SRGAP1: variants seen among roughly 807,000 people sequenced by gnomAD.
SRGAP1 encodes SLIT-ROBO Rho GTPase activating protein 1, also known as SLIT-ROBO Rho GTPase-activating protein 1.
Under a neutral mutation model 121.9 loss-of-function variants are expected in SRGAP1, and 43 were observed. The observed-to-expected ratio is 0.35, with a 90% CI of 0.28 to 0.46. The LOEUF is 0.46. SRGAP1 is among the 20% of genes least tolerant of loss of function. The probability of loss-of-function intolerance (pLI) is 1.00; values close to 1 mark genes in which losing one functional copy is unlikely to be tolerated. For missense variants in SRGAP1, 1,102 were observed against 1,350.9 expected (o/e 0.82, Z 2.89); for synonymous variants, 447 against 485.4 (o/e 0.92, Z 1.04).
intron 6 of SRGAP1, among the ~76,000 whole-genome samples, chr12:64,046,783 T>A (rs1358629149): frequency 1.3e-5 from 2 of 152,152 alleles, no homozygotes; most frequent in African/African-American, 2.4e-5. Context: ...TGGAATCGCA[T>A]ATCAGGATTT....
rs911450626 is a variant in SRGAP1, at chr12:63,884,549, G to A, written c.67+39666G>A. 2.0e-5 allele frequency among the ~76,000 whole-genome samples: 3 copies of A among 151,980 alleles called. No homozygotes were observed. In the South Asian group the frequency reaches 6.3e-4, roughly 32 times the overall value. On this transcript the variant is annotated intron_variant, in intron 1 of 21. Transcript: ENST00000355086. ...TTCTTTGTGGTGAGAACATTCAAAA[G>A]CCTCTCTTCTAGCTATTTGGTAGTA...
intron 1 of SRGAP1, among the ~76,000 whole-genome samples, chr12:63,877,232 G>A (rs1284472263): frequency 6.6e-6 from 1 of 152,030 alleles, no homozygotes; most frequent in African/African-American, 2.4e-5. Flanking sequence ...CTCAAAAAAA[G>A]AAAGAGAAAA....
intron 1 of SRGAP1, among the ~76,000 whole-genome samples, chr12:63,973,267 T>C (rs1359178031): frequency 6.6e-6 from 1 of 152,248 alleles, no homozygotes; most frequent in African/African-American, 2.4e-5. Context: ...CTAAACATTC[T>C]AGTAGACCAT....
chr12:64,130,210 AGTCT>A (rs2036763409), intron 21 of SRGAP1, among the ~76,000 whole-genome samples: 1 of 152,142 alleles, frequency 6.6e-6, no homozygotes, highest in Non-Finnish European at 1.5e-5. Flanking sequence ...TCATCTTGAT[AGTCT>A]GAGTCAGTCA....
intron 1 of SRGAP1, among the ~76,000 whole-genome samples, chr12:63,956,810 T>C (rs553903617): frequency 1.3e-5 from 2 of 151,314 alleles, no homozygotes; most frequent in Admixed American, 6.6e-5. Flanking sequence ...GTTTTTAGTA[T>C]ATTCAGAGCT....
At chr12:64,133,603 G>A (rs2136644868) in intron 21 of SRGAP1, among the ~76,000 whole-genome samples, 1 of 152,286 alleles carries the variant, frequency 6.6e-6, no homozygotes, top group East Asian at 1.9e-4. Flanking sequence ...TCCCCTTGGG[G>A]AAGGATGGGA....
chr12:63,954,359 G>A (rs1055342203), intron 1 of SRGAP1, among the ~76,000 whole-genome samples: 2 of 152,008 alleles, frequency 1.3e-5, no homozygotes, highest in African/African-American at 4.8e-5. Flanking sequence ...TTATTTAAAT[G>A]GAATTTTCCC....
At chr12:63,857,732 T>C (rs1032494531) in intron 1 of SRGAP1, among the ~76,000 whole-genome samples, 4 of 152,180 alleles carry the variant, frequency 2.6e-5, no homozygotes, top group African/African-American at 9.7e-5. Flanking sequence ...TTTCAAAGAA[T>C]TTTTTCCCTT....
Position 64,161,441 on chromosome 12 carries a change from C to A in SRGAP1, c.*18769C>A, listed in dbSNP as rs553390105. On this transcript the variant is annotated 3_prime_UTR_variant, in exon 22 of 22. Coordinates refer to ENST00000355086, the MANE Select transcript of SRGAP1 (RefSeq NM_020762.4). ...ATATCCTCAACTTTATCTGCTAACT[C>A]TTCTGTTAAGTACTTTATTTCTGCT... The A allele has an allele frequency of 1.3e-5, 2 of 152,074 alleles. No homozygotes were observed. The highest frequency in any genetic ancestry group is 1.5e-5 in the Non-Finnish European group (1 of 68,014). 9.4% of individuals were successfully genotyped at this position (152,074 alleles called of 1,614,324 possible). A position where few individuals can be genotyped will look rare whatever the true frequency, so the allele number is the denominator to read the frequency against.
intron 21 of SRGAP1, among the ~76,000 whole-genome samples, chr12:64,138,090 C>G (rs1302179390): frequency 6.6e-6 from 1 of 151,560 alleles, no homozygotes; most frequent in Non-Finnish European, 1.5e-5. Context: ...CTCACAAAAC[C>G]AAAACTCTGT....
intron 18 of SRGAP1, among the ~76,000 whole-genome samples, chr12:64,116,601 C>T (rs1455688503): frequency 6.6e-6 from 1 of 152,182 alleles, no homozygotes; most frequent in East Asian, 1.9e-4. Flanking sequence ...TATTTTACCA[C>T]TGTATAATAT....
intron 1 of SRGAP1, among the ~76,000 whole-genome samples, chr12:63,951,418 C>A (rs1402120346): frequency 6.6e-6 from 1 of 152,108 alleles, no homozygotes; most frequent in Non-Finnish European, 1.5e-5. Context: ...CCTGCCTTGG[C>A]CTCCCAAAGT....
intron 1 of SRGAP1, among the ~76,000 whole-genome samples, chr12:63,920,772 T>C (rs904195702): frequency 4.6e-5 from 7 of 151,542 alleles, no homozygotes; most frequent in Admixed American, 1.3e-4. Flanking sequence ...TGGATGGAGG[T>C]GTGAAAAAGG....
chr12:63,949,169 TATTTTTTCCATATATA>T (rs1565964544), intron 1 of SRGAP1, among the ~76,000 whole-genome samples: 2 of 112,676 alleles, frequency 1.8e-5, no homozygotes, highest in Non-Finnish European at 3.7e-5. Context: ...TCCATATATA[TATTTTTTCCATATATA>T]TTTTTTTTTC....
chr12:63,953,303 A>AT (rs2032354488), intron 1 of SRGAP1, among the ~76,000 whole-genome samples: 1 of 150,350 alleles, frequency 6.7e-6, no homozygotes. Flanking sequence ...TTTCTATTTT[A>AT]TTTTTTTCAT....
chr12:63,925,521 A>C (rs774664601), intron 1 of SRGAP1, among the ~76,000 whole-genome samples: 26 of 152,210 alleles, frequency 1.7e-4, no homozygotes, highest in Admixed American at 1.2e-3. Flanking sequence ...TAGAATTAAA[A>C]TTTTGGGGGA....
intron 1 of SRGAP1, among the ~76,000 whole-genome samples, chr12:63,913,454 CATATATATATATATATATATATGGAT>C (rs1187018668): frequency 3.2e-5 from 4 of 124,114 alleles, no homozygotes; most frequent in East Asian, 5.2e-4. Flanking sequence ...ACTGTGTCCA[CATATATATATATATATATATATGGAT>C]ATATATATAT....
At chr12:63,970,355 T>C (rs2032908656) in intron 1 of SRGAP1, among the ~76,000 whole-genome samples, 1 of 152,246 alleles carries the variant, frequency 6.6e-6, no homozygotes. Context: ...CTCTTCCAGA[T>C]AAGAACAGAT....
At chr12:64,100,115 C>T (rs903463544) in intron 15 of SRGAP1, among the ~76,000 whole-genome samples, 1 of 152,158 alleles carries the variant, frequency 6.6e-6, no homozygotes, top group Non-Finnish European at 1.5e-5. Flanking sequence ...CACATAGTAA[C>T]CCTCAGTAAG....
Sources: gnomAD v4.1 joint callset for allele counts (sites outside exome capture counted in the v4.1 genomes callset) on GRCh38, gnomAD v4.1.1 for gene constraint, MANE v1.5 for transcripts, NCBI Gene and HGNC (gene_info 2026-07-23, HGNC 2026-07-21) for gene names.